Variants in DDX49 observed in about 807,000 individuals in gnomAD.
The protein encoded by DDX49 is DEAD-box helicase 49, also known as probable ATP-dependent RNA helicase DDX49.
Under a neutral mutation model 56.3 loss-of-function variants are expected in DDX49, and 50 were observed. That is an observed-to-expected ratio of 0.89 (90% CI 0.71 to 1.12). The LOEUF (loss-of-function observed/expected upper bound fraction) is 1.12. Among genes scored for constraint, DDX49 ranks in the 50% most tolerant of loss-of-function variants. The pLI, the probability that DDX49 is intolerant of heterozygous loss-of-function variation, is 0.00. For synonymous variants in DDX49, 269 were observed against 270.6 expected, an observed-to-expected ratio of 0.99 and a Z score of 0.06; for missense variants, 614 against 650.5, an observed-to-expected ratio of 0.94 and a Z score of 0.61.
In DDX49 at chr19:18,922,731, A is replaced by G. The variant is rs1313396598; in HGVS notation, c.763A>G (p.Thr255Ala). 12 of 1,612,906 alleles carry G rather than the reference A, an allele frequency of 7.4e-6. No individual in the cohort carries two copies. The highest frequency in any genetic ancestry group is 9.3e-6 in the Non-Finnish European group (11 of 1,179,486). The part of the protein sequence containing the change: ...EHEDWSIIIF[T>A]NTCKTCQILC... ...CGAGGACTGGTCCATTATCATCTTC[A>G]CCAACACGTGCAAGTGAGCGGGGCC... Residue 255 changes from threonine (T) to alanine (A), a missense_variant, in exon 6 of 13, where the codon ACC (threonine) becomes GCC (alanine). By Grantham distance (58) the Thr-to-Ala change is moderately conservative. Coordinates refer to ENST00000247003, the MANE Select transcript of DDX49 (RefSeq NM_019070.5).
intron 7 of DDX49, 142 bp downstream of exon 7, chr19:18,924,450 C>A: frequency 9.4e-7 from 1 of 1,066,158 alleles, no homozygotes; most frequent in Non-Finnish European, 1.4e-6. Context: ...GCTCAAGAGG[C>A]CCTCCCTGAC....
chr19:18,921,580 G>A, intron 2 of DDX49, 83 bp from the exon 3 acceptor site: 2 of 1,357,394 alleles, frequency 1.5e-6, no homozygotes, highest in South Asian at 1.2e-5. Flanking sequence ...GGGGCTCAGG[G>A]AGGAACCCTG....
chr19:18,926,691 C>A (rs2056964010), intron 10 of DDX49, among the ~76,000 whole-genome samples: 1 of 152,162 alleles, frequency 6.6e-6, no homozygotes, highest in Admixed American at 6.6e-5. Flanking sequence ...CTGCTAAAAA[C>A]CCCTGGGAAT....
At chr19:18,920,258 C>T (rs935431619) in intron 1 of DDX49, among the ~76,000 whole-genome samples, 5 of 152,182 alleles carry the variant, frequency 3.3e-5, no homozygotes, top group Admixed American at 6.5e-5. Context: ...TCTCTCTGCT[C>T]CTCTAGCCCA....
At position 18,928,200 on chromosome 19, in the gene DDX49, A is replaced by G. The variant is rs771041739; in HGVS notation, c.1336A>G (p.Lys446Glu). 3 of 1,585,786 alleles carry G rather than the reference A, an allele frequency of 1.9e-6. No homozygotes were observed. In the South Asian group the frequency reaches 3.4e-5, roughly 18 times the overall value. Residue 446 changes from lysine to glutamate, a missense_variant, in exon 13 of 13, where the codon AAG (lysine) becomes GAG (glutamate). Coordinates refer to ENST00000247003, the MANE Select transcript of DDX49 (RefSeq NM_019070.5). ...GCAGAAGAACCGGCGCTTCAAGGAG[A>G]AGGTGGAGGAGACGCTGAAGCGACA... ...IKQKNRRFKE[K>E]VEETLKRQKA...
chr19:18,920,763 A>T lies in DDX49; in HGVS notation c.239+60A>T. The T allele has an allele frequency of 2.0e-6, 3 of 1,522,470 alleles. No individual in the cohort carries two copies. In the African/African-American group the frequency reaches 4.1e-5, roughly 21 times the overall value. The allele number at this position is 1,522,470 out of a possible 1,614,324, so 94.3% of individuals were successfully genotyped here. A position where few individuals can be genotyped will look rare whatever the true frequency, so the allele number is the denominator to read the frequency against. On this transcript the variant is annotated intron_variant, in intron 2 of 12. Transcript: ENST00000247003. Reference sequence around the variant, plus strand: ...ACCAGCTGTGCTCTCTTGGGCAAGCACCTTTCCCTCTCTGAGCGCCCTTTT... The same window carrying T: ...ACCAGCTGTGCTCTCTTGGGCAAGCTCCTTTCCCTCTCTGAGCGCCCTTTT...
At position 18,920,711 on chromosome 19, in the gene DDX49, C is replaced by G. The variant is rs771872481; in HGVS notation, c.239+8C>G. 1 of 1,591,122 alleles carries G rather than the reference C, an allele frequency of 6.3e-7. No homozygotes were observed. The highest frequency in any genetic ancestry group is 8.6e-7 in the Non-Finnish European group (1 of 1,161,260). ...CGTCCTGACACCCACCAGGTAAGCCCCCAGCAGGCCTCCTGGGTATGGGTT... is the reference window on the plus strand; with the variant it reads ...CGTCCTGACACCCACCAGGTAAGCCGCCAGCAGGCCTCCTGGGTATGGGTT... On this transcript the variant is annotated splice_region_variant and intron_variant, in intron 2 of 12. Transcript: ENST00000247003.
rs144668611 is a variant in DDX49, at chr19:18,920,883, G to A, written c.239+180G>A. 6.9e-4 allele frequency: 353 copies of A among 514,940 alleles called. 3 individuals are homozygous for A. The East Asian group carries it at 0.013, about 19-fold the overall frequency. 31.9% of individuals were successfully genotyped at this position (514,940 alleles called of 1,614,324 possible). ...GGCCCCGGTGCAGTGGCTCACACCT[G>A]TAATCCCAGCACTTTGGGAGCTCCA... On this transcript the variant is annotated intron_variant, in intron 2 of 12. Transcript: ENST00000247003.
chr19:18,922,493 C>T lies in DDX49; in HGVS notation c.615C>T (p.Phe205=). Residue 205 remains phenylalanine, a synonymous_variant, in exon 5 of 13, where the codon TTC becomes TTT. Coordinates refer to ENST00000247003, the MANE Select transcript of DDX49 (RefSeq NM_019070.5). ...AGGGTCTGGCCACCAACCAGCCCTTCTTCTGGGAAGCACAGGCCCCGTGAG... is the reference window on the plus strand; with the variant it reads ...AGGGTCTGGCCACCAACCAGCCCTTTTTCTGGGAAGCACAGGCCCCGTGAG... ...ELQGLATNQP[F]FWEAQAPVST... is the part of the protein sequence containing the mutation. The T allele has an allele frequency of 6.2e-7, 1 of 1,600,776 alleles. No individual in the cohort carries two copies. Among genetic ancestry groups the T allele is most frequent in the East Asian group, 2.2e-5 (1 of 44,604 alleles).
In DDX49 at chr19:18,927,783, T is replaced by C; in HGVS notation, c.1120T>C (p.Phe374Leu). ...EEQIKKKLEE[F>L]SVEEAEVLQI... ...CCCCACAGAGAAGAAGCTGGAGGAG[T>C]TCTCCGTGGAAGAGGCCGAGGTGCT... The change falls in exon 11 of 13, where the codon TTC (phenylalanine) becomes CTC (leucine). Residue 374 changes from phenylalanine to leucine, a missense_variant. By Grantham distance (22) the Phe-to-Leu change is conservative (BLOSUM62 0). Transcript: ENST00000247003. 7 of 1,609,782 alleles carry C rather than the reference T, an allele frequency of 4.3e-6. No homozygotes were observed. Among genetic ancestry groups the C allele is most frequent in the Non-Finnish European group, 5.9e-6 (7 of 1,178,564 alleles).
Position 18,928,527 on chromosome 19 carries a change from GGAA to G in DDX49, c.*215_*217del, listed in dbSNP as rs2056984806. ...CCCTGGCCAAGATTCAGGCTGCAGG[GGAA>G]GAAAGAACATGACCGGGAGGTTGTG... On this transcript the variant is annotated 3_prime_UTR_variant, in exon 13 of 13. Transcript: ENST00000247003. The G allele has an allele frequency of 1.8e-6, 1 of 565,862 alleles. No homozygotes were observed. Among genetic ancestry groups the G allele is most frequent in the Non-Finnish European group, 3.0e-6 (1 of 328,532 alleles). 35.1% of individuals were successfully genotyped at this position (565,862 alleles called of 1,614,324 possible). A position where few individuals can be genotyped will look rare whatever the true frequency, so the allele number is the denominator to read the frequency against.
chr19:18,925,616 A>G (rs1043695677), intron 9 of DDX49, among the ~76,000 whole-genome samples: 3 of 152,248 alleles, frequency 2.0e-5, no homozygotes, highest in African/African-American at 7.2e-5. Context: ...AGCAAATGCA[A>G]GTCAGGTGCT....
chr19:18,926,014 G>T (rs529087826), intron 9 of DDX49, among the ~76,000 whole-genome samples: 1 of 152,242 alleles, frequency 6.6e-6, no homozygotes, highest in Non-Finnish European at 1.5e-5. Flanking sequence ...CTAATGGCTG[G>T]CATTACTTAG....
Position 18,928,285 on chromosome 19 carries a change from C to T in DDX49, c.1421C>T (p.Ser474Leu), listed in dbSNP as rs1189727765. Residue 474 changes from serine to leucine, a missense_variant, in exon 13 of 13, where the codon TCA (serine) becomes TTA (leucine). Transcript: ENST00000247003. The part of the protein sequence containing the change: ...RPPRTPSGSH[S>L]GPVPSQGLV ...CCCAGGACACCGTCTGGGTCCCACT[C>T]AGGCCCAGTCCCCTCCCAGGGCCTG... 2 of 1,575,790 alleles carry T rather than the reference C, an allele frequency of 1.3e-6. No individual in the cohort carries two copies. The highest frequency in any genetic ancestry group is 2.3e-5 in the South Asian group (2 of 85,818).
chr19:18,928,610 A>T lies in DDX49; in HGVS notation c.*294A>T, dbSNP rs1018043017. The T allele has an allele frequency of 8.6e-6, 3 of 347,274 alleles. No homozygotes were observed. The highest frequency in any genetic ancestry group is 4.3e-5 in the African/African-American group (2 of 47,046). 21.5% of individuals were successfully genotyped at this position (347,274 alleles called of 1,614,324 possible). On this transcript the variant is annotated 3_prime_UTR_variant, in exon 13 of 13. Coordinates refer to ENST00000247003, the MANE Select transcript of DDX49 (RefSeq NM_019070.5). ...GCCGCATACAGGAGGTGCTTAATAA[A>T]CGGGTCTTTTGACTTCCTCAGTCTG...
At chr19:18,926,252 C>T in intron 9 of DDX49, 51 bp from the exon 10 acceptor site, 1 of 1,537,736 alleles carries the variant, frequency 6.5e-7, no homozygotes, top group South Asian at 1.2e-5. Context: ...CCTTTATTCG[C>T]CCCATGTCCT....
chr19:18,920,799 A>G, intron 2 of DDX49, 96 bp downstream of exon 2: 1 of 1,312,838 alleles, frequency 7.6e-7, no homozygotes, highest in South Asian at 1.5e-5. Context: ...CCCACGTGTG[A>G]GATGAGCATG....
intron 7 of DDX49, 141 bp downstream of exon 7, chr19:18,924,449 G>A (rs2056944496): frequency 1.8e-6 from 2 of 1,082,050 alleles, no homozygotes; most frequent in South Asian, 2.7e-5. Context: ...AGCTCAAGAG[G>A]CCCTCCCTGA....
chr19:18,924,529 GCTGGGGACTGTCCCGGCCT>G, intron 7 of DDX49, 75 bp from the exon 8 acceptor site: 1 of 1,402,802 alleles, frequency 7.1e-7, no homozygotes, highest in Non-Finnish European at 1.0e-6. Context: ...TCAATGGACG[GCTGGGGACTGTCCCGGCCT>G]CCACCCTGTC....
Sources: allele counts gnomAD v4.1 joint callset (sites outside exome capture counted in the v4.1 genomes callset), GRCh38; gene constraint gnomAD v4.1.1; transcripts MANE v1.5; gene names NCBI Gene and HGNC (gene_info 2026-07-23, HGNC 2026-07-21).